Variants in PARD3 observed in about 807,000 individuals in gnomAD.
PARD3 encodes the protein par-3 family cell polarity regulator.
In PARD3, 75 loss-of-function variants were observed where a neutral mutation model predicts 155.4. The observed-to-expected ratio is 0.48, with a 90% confidence interval of 0.40 to 0.58. The LOEUF is 0.58. Among genes scored for constraint, PARD3 ranks in the 20% least tolerant of loss-of-function variants. The probability of loss-of-function intolerance (pLI) is 0.00; values close to 1 mark genes in which losing one functional copy is unlikely to be tolerated. For synonymous variants in PARD3, 576 were observed against 610.5 expected (o/e 0.94, Z 0.83); for missense variants, 1,642 against 1,721.7 (o/e 0.95, Z 0.82).
At chr10:34,677,241 G>A (rs894254644) in intron 2 of PARD3, among the ~76,000 whole-genome samples, 1 of 152,118 alleles carries the variant, frequency 6.6e-6, no homozygotes, top group African/African-American at 2.4e-5. Context: ...AGAACTTTGG[G>A]AGGCTGAGGC....
intron 22 of PARD3, among the ~76,000 whole-genome samples, chr10:34,227,851 ATT>A (rs995113507): frequency 0.14 from 4,445 of 32,724 alleles, 361 homozygotes; most frequent in Admixed American, 0.22. Context: ...AATGGGAATT[ATT>A]TTTTATATAT....
intron 1 of PARD3, among the ~76,000 whole-genome samples, chr10:34,712,848 G>A (rs570117816): frequency 4.3e-4 from 66 of 151,988 alleles, no homozygotes; most frequent in African/African-American, 1.4e-3. Context: ...GGAATCAATC[G>A]TACCCCAAAC....
chr10:34,194,412 C>T (rs1363393571), intron 22 of PARD3, among the ~76,000 whole-genome samples: 1 of 152,052 alleles, frequency 6.6e-6, no homozygotes, highest in Non-Finnish European at 1.5e-5. Context: ...CGCTCTTGTA[C>T]GTCCCTGTGC....
chr10:34,808,143 G>A (rs1021103077), intron 1 of PARD3, among the ~76,000 whole-genome samples: 3 of 151,682 alleles, frequency 2.0e-5, no homozygotes, highest in South Asian at 2.1e-4. Flanking sequence ...GCGAGATGCC[G>A]TCTCTACAAA....
chr10:34,318,339 T>C (rs1259466000), intron 19 of PARD3, among the ~76,000 whole-genome samples: 3 of 152,214 alleles, frequency 2.0e-5, no homozygotes, highest in Non-Finnish European at 2.9e-5. Flanking sequence ...ATGAGAATTA[T>C]AGGGGGCCAT....
intron 2 of PARD3, among the ~76,000 whole-genome samples, chr10:34,576,029 T>C (rs973405685): frequency 2.0e-5 from 3 of 152,218 alleles, no homozygotes; most frequent in African/African-American, 4.8e-5. Flanking sequence ...CAGGGAAATG[T>C]GTGTTGCTTC....
chr10:34,266,368 T>C (rs756425787), intron 22 of PARD3, among the ~76,000 whole-genome samples: 3 of 152,184 alleles, frequency 2.0e-5, no homozygotes, highest in Non-Finnish European at 4.4e-5. Context: ...GATGAAGAAG[T>C]GCTTTACAGG....
intron 2 of PARD3, among the ~76,000 whole-genome samples, chr10:34,551,101 T>A (rs961608402): frequency 6.6e-6 from 1 of 152,084 alleles, no homozygotes; most frequent in Admixed American, 6.5e-5. Flanking sequence ...GCAACCGAAA[T>A]GATCAATGAA....
At chr10:34,797,276 G>A (rs4440973) in intron 1 of PARD3, among the ~76,000 whole-genome samples, 50,131 of 151,656 alleles carry the variant, frequency 0.33, 8,833 homozygotes, top group African/African-American at 0.47. Context: ...TCAGCCTCCC[G>A]AGTAGCTGAG....
chr10:34,543,066 G>A (rs942897263), intron 2 of PARD3, among the ~76,000 whole-genome samples: 2 of 151,514 alleles, frequency 1.3e-5, no homozygotes, highest in African/African-American at 4.8e-5. Context: ...ACTTGGTTTG[G>A]ATCCATAAGG....
At chr10:34,712,810 T>G (rs1369901847) in intron 1 of PARD3, among the ~76,000 whole-genome samples, 1 of 151,902 alleles carries the variant, frequency 6.6e-6, no homozygotes, top group Non-Finnish European at 1.5e-5. Context: ...GAAAAGGTAT[T>G]GGGTACTATG....
At chr10:34,368,158 A>C (rs1430690652) in intron 12 of PARD3, among the ~76,000 whole-genome samples, 1 of 152,226 alleles carries the variant, frequency 6.6e-6, no homozygotes, top group East Asian at 1.9e-4. Flanking sequence ...GCTGAGAAAA[A>C]GAATCGCTTG....
chr10:34,120,618 T>C (rs550860048), intron 23 of PARD3, among the ~76,000 whole-genome samples: 12 of 152,158 alleles, frequency 7.9e-5, no homozygotes, highest in African/African-American at 2.9e-4. Flanking sequence ...CAAGATTAGT[T>C]TAAACTAGGT....
chr10:34,573,631 T>C (rs2086613996), intron 2 of PARD3, among the ~76,000 whole-genome samples: 1 of 151,824 alleles, frequency 6.6e-6, no homozygotes, highest in Non-Finnish European at 1.5e-5. Flanking sequence ...TGCTTGAACC[T>C]GGGAGGCAGA....
chr10:34,715,330 G>A (rs544701318), intron 1 of PARD3, among the ~76,000 whole-genome samples: 5 of 152,042 alleles, frequency 3.3e-5, no homozygotes, highest in South Asian at 4.2e-4. Flanking sequence ...CTCCTGCCTC[G>A]GATTCCCAAA....
At chr10:34,779,238 G>A (rs1230888421) in intron 1 of PARD3, among the ~76,000 whole-genome samples, 1 of 151,806 alleles carries the variant, frequency 6.6e-6, no homozygotes, top group Non-Finnish European at 1.5e-5. Context: ...CCTGGGAGGT[G>A]AAGGCTGCAG....
intron 1 of PARD3, among the ~76,000 whole-genome samples, chr10:34,696,657 T>C (rs1438840259): frequency 6.6e-6 from 1 of 151,210 alleles, no homozygotes; most frequent in East Asian, 1.9e-4. Context: ...TACTCTATTA[T>C]GATAGGAACT....
chr10:34,398,843 T>C (rs554794101), intron 7 of PARD3, among the ~76,000 whole-genome samples: 80 of 152,332 alleles, frequency 5.3e-4, no homozygotes, highest in Middle Eastern at 3.4e-3. Flanking sequence ...ATCTATGGCT[T>C]GCCTAATTTT....
At chr10:34,725,367 T>C (rs1030663845) in intron 1 of PARD3, among the ~76,000 whole-genome samples, 23 of 152,048 alleles carry the variant, frequency 1.5e-4, no homozygotes, top group African/African-American at 4.8e-4. Flanking sequence ...TGGACCAAGG[T>C]GGTCTTGAAC....
Sources: gnomAD v4.1 joint callset for allele counts (sites outside exome capture counted in the v4.1 genomes callset) on GRCh38, gnomAD v4.1.1 for gene constraint, MANE v1.5 for transcripts, NCBI Gene and HGNC (gene_info 2026-07-23, HGNC 2026-07-21) for gene names.